The following USP47 variants were observed in gnomAD, a reference collection of about 807,000 sequenced individuals.
The protein encoded by USP47 is ubiquitin carboxyl-terminal hydrolase 47.
Under a neutral mutation model 165.1 loss-of-function variants are expected in USP47, and 35 were observed. The ratio of observed to expected loss-of-function variants is 0.21; its 90% confidence interval spans 0.16 to 0.28. The LOEUF is 0.28. Ranked by LOEUF, USP47 falls within the 10% of genes least tolerant of loss-of-function variation. The pLI, the probability that USP47 is intolerant of heterozygous loss-of-function variation, is 1.00. For synonymous variants in USP47, 531 were observed against 544.5 expected, an observed-to-expected ratio of 0.98 and a Z score of 0.35; for missense variants, 1,277 against 1,607.4, an observed-to-expected ratio of 0.79 and a Z score of 3.52.
At chr11:11,906,847 A>G (rs542878207) in intron 8 of USP47, among the ~76,000 whole-genome samples, 24 of 152,306 alleles carry the variant, frequency 1.6e-4, no homozygotes, top group Admixed American at 5.9e-4. Flanking sequence ...TTGTCTTTCA[A>G]TGACTGATTT....
chr11:11,953,366 T>C (rs1335540211), intron 25 of USP47, among the ~76,000 whole-genome samples: 1 of 152,132 alleles, frequency 6.6e-6, no homozygotes, highest in East Asian at 1.9e-4. Flanking sequence ...TACTTCATAC[T>C]AAACACAAAA....
Position 11,942,961 on chromosome 11 carries a change from A to G in USP47, c.2940A>G (p.Glu980=). 1 of 1,613,572 alleles carries G rather than the reference A, an allele frequency of 6.2e-7. No homozygotes were observed. The highest frequency in any genetic ancestry group is 1.1e-5 in the South Asian group (1 of 91,058). ...GTAGTAGAAGAACGAAAGCAAATGA[A>G]GGGAAAAAAGAAACATGGGATACAG... ...ITSSRRTKAN[E]GKKETWDTAE... Residue 980 remains glutamate (E), a synonymous_variant, in exon 20 of 28, where the codon GAA becomes GAG. Coordinates refer to ENST00000527733, the MANE Select transcript of USP47 (RefSeq NM_001282659.2).
intron 19 of USP47, among the ~76,000 whole-genome samples, chr11:11,941,273 T>C (rs995246695): frequency 8.6e-5 from 13 of 151,964 alleles, no homozygotes; most frequent in African/African-American, 3.1e-4. Flanking sequence ...TGTGTGTGTA[T>C]ATGTAAAACA....
chr11:11,930,368 C>A (rs571375383), intron 13 of USP47, among the ~76,000 whole-genome samples: 2 of 152,226 alleles, frequency 1.3e-5, no homozygotes, highest in South Asian at 2.1e-4. Flanking sequence ...ATATGGCCTG[C>A]AAAGCCTGTG....
At chr11:11,870,309 T>C in intron 1 of USP47, among the ~76,000 whole-genome samples, 1 of 152,194 alleles carries the variant, frequency 6.6e-6, no homozygotes, top group East Asian at 1.9e-4. Context: ...CTACCCTGTT[T>C]ATAATTGTGT....
At chr11:11,943,341 A>C (rs1300909445) in intron 20 of USP47, 2 of 343,140 alleles carry the variant, frequency 5.8e-6, no homozygotes, top group Non-Finnish European at 1.0e-5. Flanking sequence ...AATAGTATTC[A>C]ATGTTAGGAA....
chr11:11,846,041 A>G (rs769418903), intron 1 of USP47, among the ~76,000 whole-genome samples: 1 of 152,134 alleles, frequency 6.6e-6, no homozygotes, highest in Non-Finnish European at 1.5e-5. Context: ...TTTTGGACAT[A>G]ATCTGGGGTT....
intron 3 of USP47, among the ~76,000 whole-genome samples, chr11:11,888,372 G>C (rs1365143694): frequency 6.6e-6 from 1 of 151,958 alleles, no homozygotes. Context: ...GAAACGATAA[G>C]GGGGATATCA....
intron 20 of USP47, among the ~76,000 whole-genome samples, chr11:11,944,853 T>C (rs983219050): frequency 6.6e-6 from 1 of 152,212 alleles, no homozygotes; most frequent in African/African-American, 2.4e-5. Flanking sequence ...TTTTAATTGG[T>C]TTGTTTTAGA....
chr11:11,907,828 G>A (rs1329235361), intron 8 of USP47, among the ~76,000 whole-genome samples: 2 of 152,062 alleles, frequency 1.3e-5, no homozygotes, highest in Non-Finnish European at 2.9e-5. Context: ...GGGCATAGTG[G>A]CTCACACCTG....
chr11:11,847,000 T>C (rs1848464072), intron 1 of USP47, among the ~76,000 whole-genome samples: 1 of 152,130 alleles, frequency 6.6e-6, no homozygotes, highest in South Asian at 2.1e-4. Flanking sequence ...GTCAGTATTT[T>C]AGATATCATT....
At chr11:11,848,855 T>G (rs1038864192) in intron 1 of USP47, among the ~76,000 whole-genome samples, 1 of 152,130 alleles carries the variant, frequency 6.6e-6, no homozygotes, top group Admixed American at 6.5e-5. Flanking sequence ...GTGATACGCC[T>G]GCCTCGGCCT....
chr11:11,890,348 C>T (rs1284045888), intron 3 of USP47, among the ~76,000 whole-genome samples: 2 of 151,472 alleles, frequency 1.3e-5, no homozygotes, highest in African/African-American at 2.4e-5. Flanking sequence ...CTTAAATTTA[C>T]GAGAAAAAAA....
chr11:11,933,758 G>A (rs1223165156), intron 15 of USP47, 73 bp from the exon 16 acceptor site: 55 of 1,029,346 alleles, frequency 5.3e-5, no homozygotes, highest in Non-Finnish European at 6.3e-5. Context: ...TTGACAATTA[G>A]GAATAAATGC....
chr11:11,847,030 A>G (rs1365680243), intron 1 of USP47, among the ~76,000 whole-genome samples: 2 of 152,180 alleles, frequency 1.3e-5, no homozygotes, highest in Non-Finnish European at 2.9e-5. Flanking sequence ...CATTTAATGA[A>G]TGAAAGCAAA....
intron 6 of USP47, among the ~76,000 whole-genome samples, 164 bp from the exon 7 acceptor site, chr11:11,903,099 G>A (rs1852331868): frequency 6.6e-6 from 1 of 152,080 alleles, no homozygotes; most frequent in East Asian, 1.9e-4. Flanking sequence ...TTTCTGGCGT[G>A]TGATTTCCTT....
intron 14 of USP47, among the ~76,000 whole-genome samples, chr11:11,932,633 G>GTAAAC (rs1202257069): frequency 6.6e-6 from 1 of 152,136 alleles, no homozygotes; most frequent in Non-Finnish European, 1.5e-5. Flanking sequence ...ATTTGGAGAA[G>GTAAAC]TAAACTTGCC....
intron 8 of USP47, among the ~76,000 whole-genome samples, chr11:11,916,477 C>G (rs534350447): frequency 1.1e-4 from 16 of 151,748 alleles, no homozygotes; most frequent in African/African-American, 3.9e-4. Flanking sequence ...AAAACAAAAA[C>G]AATGCTGTAA....
chr11:11,863,667 G>C (rs1849505442), intron 1 of USP47, among the ~76,000 whole-genome samples: 1 of 152,036 alleles, frequency 6.6e-6, no homozygotes, highest in Non-Finnish European at 1.5e-5. Flanking sequence ...TAAATTTTCA[G>C]AATACCTACA....
Sources: gnomAD v4.1 joint callset for allele counts (sites outside exome capture counted in the v4.1 genomes callset) on GRCh38, gnomAD v4.1.1 for gene constraint, MANE v1.5 for transcripts, NCBI Gene and HGNC (gene_info 2026-07-23, HGNC 2026-07-21) for gene names.